TBC1D8: variants seen among roughly 807,000 people sequenced by gnomAD.
TBC1D8 encodes TBC1 domain family member 8, also known as BUB2-like protein 1.
TBC1D8 carries 65 observed loss-of-function variants against 118.8 expected under a neutral mutation model. The observed-to-expected ratio is 0.55, with a 90% CI of 0.45 to 0.67. The LOEUF (loss-of-function observed/expected upper bound fraction) is 0.67, where lower values mean the gene tolerates loss of function less well. Among genes scored for constraint, TBC1D8 ranks in the 30% least tolerant of loss-of-function variants. The pLI, the probability that TBC1D8 is intolerant of heterozygous loss-of-function variation, is 0.00. For missense variants in TBC1D8, 1,376 were observed against 1,471.2 expected, an observed-to-expected ratio of 0.94 and a Z score of 1.06; for synonymous variants, 566 against 595.8, an observed-to-expected ratio of 0.95 and a Z score of 0.73.
chr2:101,090,515 A>C (rs553451615), intron 1 of TBC1D8, among the ~76,000 whole-genome samples, 151 bp from the exon 2 acceptor site: 2 of 152,334 alleles, frequency 1.3e-5, no homozygotes, highest in South Asian at 4.1e-4. Flanking sequence ...ACAAAGCCTG[A>C]GCTCCATGGA....
At chr2:101,133,791 A>G (rs1678704889) in intron 1 of TBC1D8, among the ~76,000 whole-genome samples, 2 of 152,224 alleles carry the variant, frequency 1.3e-5, no homozygotes, top group South Asian at 4.1e-4. Context: ...GGCAATTAAT[A>G]AAGGATAGAG....
At chr2:101,145,429 T>C (rs954451614) in intron 1 of TBC1D8, among the ~76,000 whole-genome samples, 2 of 152,216 alleles carry the variant, frequency 1.3e-5, no homozygotes, top group African/African-American at 4.8e-5. Flanking sequence ...ATCTGGGACT[T>C]CTATAGAATG....
At chr2:101,052,875 A>T (rs1449450392) in intron 4 of TBC1D8, among the ~76,000 whole-genome samples, 1 of 152,218 alleles carries the variant, frequency 6.6e-6, no homozygotes, top group African/African-American at 2.4e-5. Flanking sequence ...TTTCTGCATC[A>T]GGCTCAACAA....
intron 7 of TBC1D8, among the ~76,000 whole-genome samples, chr2:101,038,104 A>G (rs1236893674): frequency 6.6e-6 from 1 of 152,148 alleles, no homozygotes; most frequent in Non-Finnish European, 1.5e-5. Context: ...GAGACATGAA[A>G]AAAGGAGACC....
chr2:101,033,784 G>C, intron 9 of TBC1D8, 26 bp from the exon 10 acceptor site: 1 of 1,602,656 alleles, frequency 6.2e-7, no homozygotes, highest in Non-Finnish European at 8.5e-7. Flanking sequence ...AATGTTTCAA[G>C]GGGGAATGAT....
chr2:101,128,986 T>C (rs1678469741), intron 1 of TBC1D8, among the ~76,000 whole-genome samples: 3 of 152,162 alleles, frequency 2.0e-5, no homozygotes, highest in Admixed American at 2.0e-4. Flanking sequence ...GGCTCTGACT[T>C]TCATTTAGAG....
At chr2:101,095,318 G>GTAT (rs1312585949) in intron 1 of TBC1D8, among the ~76,000 whole-genome samples, 4 of 144,690 alleles carry the variant, frequency 2.8e-5, no homozygotes, top group Admixed American at 2.1e-4. Context: ...TGTTACATAT[G>GTAT]TATACATGTG....
intron 2 of TBC1D8, among the ~76,000 whole-genome samples, chr2:101,075,390 C>CAAAAAAAAAAAA (rs11443594): frequency 7.5e-6 from 1 of 133,350 alleles, no homozygotes. Context: ...GACTCCATCT[C>CAAAAAAAAAAAA]AAAAAAAAAA....
intron 1 of TBC1D8, among the ~76,000 whole-genome samples, chr2:101,095,010 T>A (rs1012301623): frequency 2.0e-5 from 3 of 152,174 alleles, no homozygotes; most frequent in Admixed American, 6.5e-5. Flanking sequence ...TGGTGATTTT[T>A]GGCAACTTGC....
chr2:101,057,334 A>C (rs1305068630), intron 3 of TBC1D8, among the ~76,000 whole-genome samples: 2 of 152,180 alleles, frequency 1.3e-5, no homozygotes, highest in Non-Finnish European at 2.9e-5. Flanking sequence ...AACCTCACTA[A>C]AATAATCCTT....
chr2:101,118,800 G>A (rs1311530672), intron 1 of TBC1D8, among the ~76,000 whole-genome samples: 1 of 151,922 alleles, frequency 6.6e-6, no homozygotes, highest in African/African-American at 2.4e-5. Flanking sequence ...GAGTCCCCAC[G>A]AGTTCGAGAC....
rs147233047 is a variant in TBC1D8, at chr2:101,106,550, T to C, written c.128-16186A>G. On this transcript the variant is annotated intron_variant, in intron 1 of 19. Transcript: ENST00000409318. Reference sequence around the variant, plus strand: ...AGGACGGCAAAGAACCATACACAAGTACAGGACTCCATGGGCCACAGGTTA... The same window carrying C: ...AGGACGGCAAAGAACCATACACAAGCACAGGACTCCATGGGCCACAGGTTA... 7.3e-4 allele frequency among the ~76,000 whole-genome samples: 111 copies of C among 152,312 alleles called. 3 individuals carry two copies. The East Asian group carries it at 0.02, about 27-fold the overall frequency.
chr2:101,138,210 T>G (rs1397190457), intron 1 of TBC1D8, among the ~76,000 whole-genome samples: 1 of 152,160 alleles, frequency 6.6e-6, no homozygotes, highest in African/African-American at 2.4e-5. Flanking sequence ...CCTCCAACAC[T>G]GGGGATTACA....
chr2:101,111,901 A>T (rs1677609793), intron 1 of TBC1D8, among the ~76,000 whole-genome samples: 1 of 129,276 alleles, frequency 7.7e-6, no homozygotes, highest in Non-Finnish European at 1.6e-5. Flanking sequence ...AATGTTGTGT[A>T]CTTGACCATA....
intron 11 of TBC1D8, among the ~76,000 whole-genome samples, chr2:101,030,378 G>C (rs909138590): frequency 2.6e-5 from 4 of 152,158 alleles, no homozygotes; most frequent in Non-Finnish European, 5.9e-5. Flanking sequence ...TAAACACTCA[G>C]AAGAGCCAAT....
At chr2:101,084,438 C>T (rs1246307274) in intron 2 of TBC1D8, among the ~76,000 whole-genome samples, 1 of 152,180 alleles carries the variant, frequency 6.6e-6, no homozygotes, top group Non-Finnish European at 1.5e-5. Flanking sequence ...GTAATCCCAG[C>T]TATTCAGGAG....
At position 101,016,438 on chromosome 2, in the gene TBC1D8, G is replaced by A. The variant is rs1573867477; in HGVS notation, c.2828-4898C>T. Among the ~76,000 whole-genome samples the A allele has an allele frequency of 2.0e-5, 3 of 152,090 alleles. No individual in the cohort carries two copies. In the East Asian group the frequency reaches 5.8e-4, roughly 29 times the overall value. On this transcript the variant is annotated intron_variant, in intron 17 of 19. Transcript: ENST00000409318. ...GTCAGGAAACAACAGGTGCTGGAGAGGATGTGGAGAAAAAGGAACACTTTT... is the reference window on the plus strand; with the variant it reads ...GTCAGGAAACAACAGGTGCTGGAGAAGATGTGGAGAAAAAGGAACACTTTT...
At chr2:101,015,046 ACAT>A (rs1679514327) in intron 17 of TBC1D8, among the ~76,000 whole-genome samples, 1 of 152,062 alleles carries the variant, frequency 6.6e-6, no homozygotes, top group Admixed American at 6.5e-5. Context: ...CATTGTGCAA[ACAT>A]CATACAGTGG....
intron 4 of TBC1D8, among the ~76,000 whole-genome samples, chr2:101,052,379 G>A (rs1682127891): frequency 6.6e-6 from 1 of 152,128 alleles, no homozygotes; most frequent in South Asian, 2.1e-4. Flanking sequence ...AGAACAGAAA[G>A]TCTAAACATC....
Sources: gnomAD v4.1 joint callset for allele counts (sites outside exome capture counted in the v4.1 genomes callset) on GRCh38, gnomAD v4.1.1 for gene constraint, MANE v1.5 for transcripts, NCBI Gene and HGNC (gene_info 2026-07-23, HGNC 2026-07-21) for gene names.